The following DCAF13 variants were observed in gnomAD, a reference collection of about 807,000 sequenced individuals.
DCAF13 encodes DDB1- and CUL4-associated factor 13.
A neutral mutation model predicts 59.0 loss-of-function variants in DCAF13; 38 were observed. The ratio of observed to expected loss-of-function variants is 0.64; its 90% CI spans 0.50 to 0.84. The LOEUF (loss-of-function observed/expected upper bound fraction) is 0.84, where lower values mean the gene tolerates loss of function less well. DCAF13 is among the 40% of genes least tolerant of loss of function. The pLI is 0.00. For synonymous variants in DCAF13, 173 were observed against 175.0 expected (o/e 0.99, Z 0.09); for missense variants, 469 against 558.4 (o/e 0.84, Z 1.61).
Position 103,435,788 on chromosome 8 carries a change from C to CA in DCAF13, c.949dup (p.Arg317LysfsTer20). 1 of 1,613,276 alleles carries CA rather than the reference C, an allele frequency of 6.2e-7. No individual in the cohort carries two copies. The highest frequency in any genetic ancestry group is 1.3e-5 in the African/African-American group (1 of 74,996). Reference sequence around the variant, plus strand: ...TCTTTCCTGTAGACAAAAGTCGAAGCAGGTATGTGCCTACCAGTAAGCCAT... The same window carrying CA: ...TCTTTCCTGTAGACAAAAGTCGAAGCAAGGTATGTGCCTACCAGTAAGCCAT... On this transcript the variant is annotated frameshift_variant and splice_region_variant, in exon 8 of 11. Coordinates refer to ENST00000612750, the MANE Select transcript of DCAF13 (RefSeq NM_015420.7). LOFTEE classifies it high-confidence loss of function.
intron 8 of DCAF13, among the ~76,000 whole-genome samples, chr8:103,438,277 C>T (rs7820295): frequency 0.013 from 2,032 of 152,298 alleles, 50 homozygotes; most frequent in African/African-American, 0.047. Flanking sequence ...AGCAGTCTAT[C>T]TCATCTAGTT....
intron 3 of DCAF13, among the ~76,000 whole-genome samples, chr8:103,423,295 C>T (rs1816746210): frequency 1.3e-5 from 2 of 151,362 alleles, no homozygotes; most frequent in African/African-American, 4.9e-5. Context: ...ATGGAATCAA[C>T]CTAAAGTGTC....
chr8:103,442,231 AT>A (rs1817021367), intron 10 of DCAF13: 1 of 152,268 alleles, frequency 6.6e-6, no homozygotes, highest in African/African-American at 2.4e-5. Context: ...ATTGTAAAAA[AT>A]GTTTTAAAAA....
In DCAF13 at chr8:103,442,796, G is replaced by A; in HGVS notation, c.1252G>A (p.Glu418Lys). ...RIMKEARRRK[E>K]VNRIKHSKPG... ...ATATTTTGTATATTTTATTTCTAGG[G>A]AAGTGAATCGTATTAAACACAGCAA... Residue 418 changes from glutamate (E) to lysine (K), a missense_variant and splice_region_variant, in exon 11 of 11, where the codon GAA becomes AAA. By Grantham distance (56) the Glu-to-Lys change is moderately conservative (BLOSUM62 1). Coordinates refer to ENST00000612750, the MANE Select transcript of DCAF13 (RefSeq NM_015420.7). The A allele has an allele frequency of 1.3e-6, 2 of 1,571,864 alleles. No individual in the cohort carries two copies. The highest frequency in any genetic ancestry group is 1.7e-6 in the Non-Finnish European group (2 of 1,161,316).
At chr8:103,420,486 T>C in intron 2 of DCAF13, 23 bp downstream of exon 2, 1 of 1,599,480 alleles carries the variant, frequency 6.3e-7, no homozygotes, top group Non-Finnish European at 8.5e-7. Context: ...CTAGATGATA[T>C]TTTCAACTAA....
At chr8:103,416,745 C>T (rs1433599617) in intron 1 of DCAF13, among the ~76,000 whole-genome samples, 1 of 152,150 alleles carries the variant, frequency 6.6e-6, no homozygotes, top group Non-Finnish European at 1.5e-5. Flanking sequence ...GAATCATGTT[C>T]GTGTATGCAC....
chr8:103,421,299 CA>C (rs1371432480), intron 3 of DCAF13: 1 of 638,604 alleles, frequency 1.6e-6, no homozygotes, highest in Non-Finnish European at 2.9e-6. Flanking sequence ...CAATTTACCA[CA>C]AAAGTGGAAT....
At chr8:103,427,866 A>C (rs1816814638) in intron 5 of DCAF13, 1 of 152,324 alleles carries the variant, frequency 6.6e-6, no homozygotes, top group Non-Finnish European at 1.5e-5. Context: ...CCTGAAGGCT[A>C]AGCTAGCCCT....
rs759774876 is a variant in DCAF13 at position 103,415,501 on chromosome 8, T to C, written c.55T>C (p.Leu19=). ...GGACAATTATGTCCGCGAAACCAAG[T>C]TGGACTTACAGAGAGGTAAGATAAG... ...NPDNYVRETK[L]DLQRVPRNYD... Residue 19 remains leucine, a synonymous_variant, in exon 1 of 11, where the codon TTG becomes CTG. Transcript: ENST00000612750. The C allele has an allele frequency of 5.5e-5, 89 of 1,611,512 alleles. No individual in the cohort carries two copies. The highest frequency in any genetic ancestry group is 7.1e-5 in the Non-Finnish European group (84 of 1,178,326).
At chr8:103,432,801 G>A in intron 7 of DCAF13, 60 bp downstream of exon 7, 1 of 1,028,470 alleles carries the variant, frequency 9.7e-7, no homozygotes, top group Non-Finnish European at 1.5e-6. Context: ...AATTGTATAA[G>A]TCGTACTAAT....
chr8:103,441,921 A>C, intron 10 of DCAF13: 1 of 243,634 alleles, frequency 4.1e-6, no homozygotes, highest in East Asian at 1.1e-4. Context: ...ACGCGCCACC[A>C]TGCGCGGCTA....
chr8:103,441,637 G>A lies in DCAF13; in HGVS notation c.1250+19G>A. The A allele has an allele frequency of 1.9e-6, 3 of 1,608,116 alleles. No individual in the cohort carries two copies. In the South Asian group the frequency reaches 3.4e-5, roughly 18 times the overall value. On this transcript the variant is annotated intron_variant, in intron 10 of 10. Coordinates refer to ENST00000612750, the MANE Select transcript of DCAF13 (RefSeq NM_015420.7). Reference sequence around the variant, plus strand: ...GACGAAAGTATGTTTTGAGGCATTTGACTCTATTACCCTTTTCTGACTTCT... The same window carrying A: ...GACGAAAGTATGTTTTGAGGCATTTAACTCTATTACCCTTTTCTGACTTCT...
At position 103,420,381 on chromosome 8, in the gene DCAF13, A is replaced by T; in HGVS notation, c.188A>T (p.Asp63Val). 1 of 1,614,040 alleles carries T rather than the reference A, an allele frequency of 6.2e-7. No individual in the cohort carries two copies. ...GCAAAACCATTCCTTGCTTCGCTGG[A>T]TGGTCACCGTGATGGAGTCAATTGC... The part of the protein sequence containing the change: ...VFAKPFLASL[D>V]GHRDGVNCLA... Residue 63 changes from aspartate (D) to valine (V), a missense_variant, in exon 2 of 11, where the codon GAT (aspartate) becomes GTT (valine). This residue lies in a region of DCAF13 where 355 missense variants were observed against 399.1 expected (regional missense o/e 0.89). Coordinates refer to ENST00000612750, the MANE Select transcript of DCAF13 (RefSeq NM_015420.7).
intron 3 of DCAF13, among the ~76,000 whole-genome samples, chr8:103,424,834 A>G (rs989634088): frequency 6.6e-6 from 1 of 152,214 alleles, no homozygotes; most frequent in Non-Finnish European, 1.5e-5. Flanking sequence ...TTAGTCTCCC[A>G]GTAGAATCAG....
chr8:103,434,391 T>C (rs896610100), intron 7 of DCAF13, among the ~76,000 whole-genome samples: 7 of 152,106 alleles, frequency 4.6e-5, no homozygotes, highest in African/African-American at 1.4e-4. Flanking sequence ...GGAATTCTTA[T>C]CATTTTTCCC....
chr8:103,421,837 G>A (rs1475488494), intron 3 of DCAF13, among the ~76,000 whole-genome samples: 1 of 152,162 alleles, frequency 6.6e-6, no homozygotes, highest in African/African-American at 2.4e-5. Flanking sequence ...TCCATTGTAT[G>A]TGTCACATTT....
intron 8 of DCAF13, among the ~76,000 whole-genome samples, chr8:103,438,117 T>C (rs1053483229): frequency 1.3e-5 from 2 of 152,152 alleles, no homozygotes; most frequent in South Asian, 2.1e-4. Context: ...GTCTACTGCA[T>C]GAACAGATTA....
intron 1 of DCAF13, 92 bp from the exon 2 acceptor site, chr8:103,420,172 C>G: frequency 8.7e-7 from 1 of 1,148,692 alleles, no homozygotes; most frequent in Admixed American, 2.0e-5. Flanking sequence ...ATGTCACTAA[C>G]TAAATGCTTA....
At chr8:103,427,027 A>G (rs753675110) in intron 4 of DCAF13, 70 bp from the exon 5 acceptor site, 104 of 1,212,454 alleles carry the variant, frequency 8.6e-5, no homozygotes, top group Non-Finnish European at 1.1e-4. Context: ...AGATAAATAT[A>G]TTTAAAATAT....
Sources: gnomAD v4.1 joint callset for allele counts (sites outside exome capture counted in the v4.1 genomes callset) on GRCh38, gnomAD v4.1.1 for gene constraint, gnomAD v4.1.1 regional missense constraint, MANE v1.5 for transcripts, NCBI Gene and HGNC (gene_info 2026-07-23, HGNC 2026-07-21) for gene names.